ADGRA2: variants seen among roughly 807,000 people sequenced by gnomAD.
The protein encoded by ADGRA2 is G-protein coupled receptor 124.
Under a neutral mutation model 98.7 loss-of-function variants are expected in ADGRA2, and 61 were observed. The ratio of observed to expected loss-of-function variants is 0.62; its 90% CI spans 0.50 to 0.76. The LOEUF (loss-of-function observed/expected upper bound fraction) is 0.76. Ranked by LOEUF, ADGRA2 falls within the 30% of genes least tolerant of loss-of-function variation. The probability of loss-of-function intolerance (pLI) is 0.00; values close to 1 mark genes in which losing one functional copy is unlikely to be tolerated. For missense variants in ADGRA2, 1,712 were observed against 1,860.0 expected, an observed-to-expected ratio of 0.92 and a Z score of 1.46; for synonymous variants, 858 against 831.5, an observed-to-expected ratio of 1.03 and a Z score of -0.55.
In ADGRA2 at chr8:37,830,583, C is replaced by A. The variant is rs1442680369; in HGVS notation, c.719-127C>A. The A allele has an allele frequency of 1.5e-6, 1 of 661,466 alleles. No homozygotes were observed. Among genetic ancestry groups the A allele is most frequent in the Non-Finnish European group, 2.6e-6 (1 of 380,446 alleles). The allele number at this position is 661,466 out of a possible 1,614,324, so 41.0% of individuals were successfully genotyped here. On this transcript the variant is annotated intron_variant, in intron 6 of 18. Transcript: ENST00000412232. The surrounding 1 kb of genome is among the most constrained non-coding windows in gnomAD (Gnocchi z 4.8). ...ACTTTCTCTTGACCCCTTTTCCTTC[C>A]CAGCTGGAGCAGGCTGCAGGCCGAG...
At chr8:37,838,696 TCC>T (rs1805692668) in intron 14 of ADGRA2, among the ~76,000 whole-genome samples, 1 of 11,274 alleles carries the variant, frequency 8.9e-5, no homozygotes. Context: ...GCTCCCTTTC[TCC>T]TCATCTCTGG....
At chr8:37,832,949 G>A in intron 8 of ADGRA2, 61 bp from the exon 9 acceptor site, 2 of 1,324,590 alleles carry the variant, frequency 1.5e-6, no homozygotes, top group South Asian at 2.4e-5. Context: ...TCTAAAGTCG[G>A]GAGAAGGGCT....
In ADGRA2 at chr8:37,835,692, A is replaced by G; in HGVS notation, c.1972A>G (p.Ser658Gly). 6.2e-7 allele frequency: 1 copy of G among 1,613,904 alleles called. No individual in the cohort carries two copies. Among genetic ancestry groups the G allele is most frequent in the Non-Finnish European group, 8.5e-7 (1 of 1,179,970 alleles). The change falls in exon 13 of 19, where the codon AGC becomes GGC. Residue 658 changes from serine (S) to glycine (G), a missense_variant. Coordinates refer to ENST00000412232, the MANE Select transcript of ADGRA2 (RefSeq NM_032777.10). ...FRNGRLFHSH[S>G]NTSRPGAAGP... ...AAATGGCCGCCTCTTCCACAGCCAC[A>G]GCAACACCTCCCGCCCTGGAGCTGC...
intron 2 of ADGRA2, among the ~76,000 whole-genome samples, chr8:37,823,488 A>G (rs1483499664): frequency 6.6e-6 from 1 of 152,170 alleles, no homozygotes; most frequent in Non-Finnish European, 1.5e-5. Flanking sequence ...GGCTTGAGCT[A>G]CCACACGTGG....
At chr8:37,816,295 A>C (rs1240694375) in intron 2 of ADGRA2, among the ~76,000 whole-genome samples, 1 of 150,334 alleles carries the variant, frequency 6.7e-6, no homozygotes, top group Non-Finnish European at 1.5e-5. Context: ...GTCTCTTAAA[A>C]ACACACACAC....
Position 37,811,119 on chromosome 8 carries a change from C to CAAA in ADGRA2, c.267-3758_267-3756dup, listed in dbSNP as rs1158782949. ...ACAGAGCAAGACTCTGTCTCAAAAACAAAAAAAAAAAAAAAAAAAAAGAAC... is the reference window on the plus strand; with the variant it reads ...ACAGAGCAAGACTCTGTCTCAAAAACAAAAAAAAAAAAAAAAAAAAAAAAGAAC... On this transcript the variant is annotated intron_variant, in intron 1 of 18. Coordinates refer to ENST00000412232, the MANE Select transcript of ADGRA2 (RefSeq NM_032777.10). Among the ~76,000 whole-genome samples the CAAA allele has an allele frequency of 8.9e-3, 611 of 68,596 alleles. 11 individuals are homozygous for CAAA. Among genetic ancestry groups the CAAA allele is most frequent in the African/African-American group, 0.028 (561 of 19,868 alleles). 45.0% of individuals were successfully genotyped at this position (68,596 alleles called of 152,430 possible). A position where few individuals can be genotyped will look rare whatever the true frequency, so the allele number is the denominator to read the frequency against.
At chr8:37,806,467 A>G (rs920505035) in intron 1 of ADGRA2, among the ~76,000 whole-genome samples, 9 of 150,596 alleles carry the variant, frequency 6.0e-5, no homozygotes, top group African/African-American at 2.2e-4. Flanking sequence ...AGCTTCAGAC[A>G]ATGTGACCCC....
chr8:37,829,065 C>T, intron 3 of ADGRA2, 106 bp downstream of exon 3: 1 of 860,830 alleles, frequency 1.2e-6, no homozygotes, highest in Non-Finnish European at 1.8e-6. Context: ...CACACCTGCC[C>T]CTCCTTTCCG....
chr8:37,825,948 G>A (rs927928862), intron 2 of ADGRA2, among the ~76,000 whole-genome samples: 1 of 152,170 alleles, frequency 6.6e-6, no homozygotes, highest in African/African-American at 2.4e-5. Flanking sequence ...CCCACCCTCC[G>A]TGGAGGTGGA....
At chr8:37,812,524 G>T (rs910180200) in intron 1 of ADGRA2, among the ~76,000 whole-genome samples, 1 of 152,194 alleles carries the variant, frequency 6.6e-6, no homozygotes, top group African/African-American at 2.4e-5. Flanking sequence ...CTACTCTGGA[G>T]GCTGAGGCAG....
In ADGRA2 at chr8:37,797,808, G is replaced by C. The variant is rs1438273998; in HGVS notation, c.266+274G>C. ...CTCACCTGCACAGGTGAAGTGGAGA[G>C]CACGCCTGCAGGGCACCCACGCCCC... On this transcript the variant is annotated intron_variant, in intron 1 of 18. Coordinates refer to ENST00000412232, the MANE Select transcript of ADGRA2 (RefSeq NM_032777.10). The surrounding 1 kb of genome is among the most constrained non-coding windows in gnomAD (Gnocchi z 5.3). Among the ~76,000 whole-genome samples, 1 of 152,206 alleles carries C rather than the reference G, an allele frequency of 6.6e-6. No homozygotes were observed. The highest frequency in any genetic ancestry group is 1.5e-5 in the Non-Finnish European group (1 of 68,020).
chr8:37,840,196 G>A lies in ADGRA2; in HGVS notation c.2587G>A (p.Glu863Lys), dbSNP rs267601912. 11 of 1,612,660 alleles carry A rather than the reference G, an allele frequency of 6.8e-6. No individual in the cohort carries two copies. Among genetic ancestry groups the A allele is most frequent in the Middle Eastern group, 1.7e-4 (1 of 6,058 alleles). Residue 863 changes from glutamate to lysine, a missense_variant, in exon 17 of 19, where the codon GAG becomes AAG. Coordinates refer to ENST00000412232, the MANE Select transcript of ADGRA2 (RefSeq NM_032777.10). ...MGVKARVLHK[E>K]LTWRAPPPQE... Reference sequence around the variant, plus strand: ...CGTGAAGGCGCGAGTGCTCCATAAGGAGCTCACCTGGAGGGCACCCCCTCC... The same window carrying A: ...CGTGAAGGCGCGAGTGCTCCATAAGAAGCTCACCTGGAGGGCACCCCCTCC...
chr8:37,833,864 T>C, intron 10 of ADGRA2, 27 bp downstream of exon 10: 3 of 1,611,784 alleles, frequency 1.9e-6, no homozygotes, highest in Non-Finnish European at 1.7e-6. Context: ...ACTCAGGAGC[T>C]CGGAAAACGC....
intron 14 of ADGRA2, among the ~76,000 whole-genome samples, 176 bp from the exon 15 acceptor site, chr8:37,838,780 G>A (rs958279113): frequency 1.3e-5 from 2 of 152,090 alleles, no homozygotes; most frequent in African/African-American, 4.8e-5. Flanking sequence ...TGCAGTAGCT[G>A]GCTCCATAGG....
chr8:37,818,612 C>A lies in ADGRA2; in HGVS notation c.338+3645C>A, dbSNP rs140896197. Among the ~76,000 whole-genome samples the A allele has an allele frequency of 5.3e-3, 810 of 152,364 alleles. 10 individuals carry two copies. Among genetic ancestry groups the A allele is most frequent in the Non-Finnish European group, 9.1e-3 (618 of 68,034 alleles). ...CCTGCTCTGTGCTGGTCACCCCATC[C>A]ATTCATTCTGTAGGTGCTCACTGAG... On this transcript the variant is annotated intron_variant, in intron 2 of 18. Coordinates refer to ENST00000412232, the MANE Select transcript of ADGRA2 (RefSeq NM_032777.10).
At chr8:37,818,655 C>G (rs1245185147) in intron 2 of ADGRA2, among the ~76,000 whole-genome samples, 1 of 152,248 alleles carries the variant, frequency 6.6e-6, no homozygotes, top group East Asian at 1.9e-4. Context: ...ATGTGCCAGG[C>G]TCTGTTCTAG....
chr8:37,807,727 G>A (rs1804719161), intron 1 of ADGRA2, among the ~76,000 whole-genome samples: 1 of 152,164 alleles, frequency 6.6e-6, no homozygotes, highest in East Asian at 1.9e-4. Context: ...AGGTGTTGGA[G>A]ACAGGGCCTC....
At position 37,824,054 on chromosome 8, in the gene ADGRA2, G is replaced by GA. The variant is rs549670090; in HGVS notation, c.339-4834_339-4833insA. Among the ~76,000 whole-genome samples, 479 of 149,464 alleles carry GA rather than the reference G, an allele frequency of 3.2e-3. 2 individuals are homozygous for GA. Among genetic ancestry groups the GA allele is most frequent in the African/African-American group, 0.011 (455 of 40,640 alleles). ...AGATGCAATTTTTTTTTTTCGAGAT[G>GA]GAGTTTCACTCTTGCTGCCCAAGCT... is the stretch of plus-strand genomic sequence containing the variant. On this transcript the variant is annotated intron_variant, in intron 2 of 18. Transcript: ENST00000412232.
chr8:37,831,302 C>T lies in ADGRA2; in HGVS notation c.933-121C>T. 5 of 865,538 alleles carry T rather than the reference C, an allele frequency of 5.8e-6. No homozygotes were observed. The South Asian group carries it at 8.1e-5, about 14-fold the overall frequency. The allele number at this position is 865,538 out of a possible 1,614,324, so 53.6% of individuals were successfully genotyped here. ...TCAGAATAAAAGGAGTGCATACTTG[C>T]ATCCCTTGTTTCATTAAAGAAAAAA... is the stretch of plus-strand genomic sequence containing the variant. On this transcript the variant is annotated intron_variant, in intron 7 of 18. Coordinates refer to ENST00000412232, the MANE Select transcript of ADGRA2 (RefSeq NM_032777.10).
Sources: allele counts gnomAD v4.1 joint callset (sites outside exome capture counted in the v4.1 genomes callset), GRCh38; gene constraint gnomAD v4.1.1; non-coding constraint Gnocchi (gnomAD v3.1); transcripts MANE v1.5; gene names NCBI Gene and HGNC (gene_info 2026-07-23, HGNC 2026-07-21).